NUDT6: variants seen among roughly 807,000 people sequenced by gnomAD.
The protein encoded by NUDT6 is nudix hydrolase 6, also known as FAD diphosphatase NUDT6.
Under a neutral mutation model 36.8 loss-of-function variants are expected in NUDT6, and 24 were observed. The ratio of observed to expected loss-of-function variants is 0.65; its 90% CI spans 0.47 to 0.92. The LOEUF (loss-of-function observed/expected upper bound fraction) is 0.92, where lower values mean the gene tolerates loss of function less well. Ranked by LOEUF, NUDT6 falls within the 40% of genes least tolerant of loss-of-function variation. The pLI, the probability that NUDT6 is intolerant of heterozygous loss-of-function variation, is 0.00. For synonymous variants in NUDT6, 163 were observed against 157.0 expected (o/e 1.04, Z -0.29); for missense variants, 388 against 392.8 (o/e 0.99, Z 0.10).
upstream of NUDT6, chr4:122,922,601 CA>C: frequency 6.4e-7 from 1 of 1,557,096 alleles, no homozygotes; most frequent in Non-Finnish European, 8.7e-7. Flanking sequence ...GTCCGTTGCC[CA>C]AATGACCCCT....
At chr4:122,900,735 A>G (rs183695332) in intron 3 of NUDT6, among the ~76,000 whole-genome samples, 14 of 152,208 alleles carry the variant, frequency 9.2e-5, no homozygotes, top group Non-Finnish European at 1.8e-4. Context: ...GGAACATTCT[A>G]TGTAAATCCA....
chr4:122,900,896 T>C (rs943961104), intron 3 of NUDT6, among the ~76,000 whole-genome samples: 128 of 152,254 alleles, frequency 8.4e-4, no homozygotes, highest in African/African-American at 2.9e-3. Context: ...TAGCTAGTGA[T>C]CTTTTATTAT....
rs771907691 is a variant in NUDT6 at position 122,922,376 on chromosome 4, A to G, written c.197T>C (p.Leu66Pro). Residue 66 changes from leucine to proline, a missense_variant, in exon 1 of 5, where the codon CTG becomes CCG. Transcript: ENST00000304430. ...GAAGGCGGCAGCGTCCAGGCGGTCC[A>G]GCGCATCGAGCCGCGCCAGGCGCAC... ...ISVRLARLDA[L>P]DRLDAAAFQK... 1.2e-6 allele frequency: 2 copies of G among 1,606,636 alleles called. No individual in the cohort carries two copies. The highest frequency in any genetic ancestry group is 1.1e-5 in the South Asian group (1 of 90,782).
chr4:122,902,459 G>C (rs371032161), intron 3 of NUDT6, among the ~76,000 whole-genome samples: 5 of 152,232 alleles, frequency 3.3e-5, no homozygotes, highest in South Asian at 4.1e-4. Flanking sequence ...CTATACATCT[G>C]TTCACTGATG....
intron 2 of NUDT6, chr4:122,913,254 T>G (rs1474999295): frequency 3.9e-5 from 6 of 152,772 alleles, no homozygotes; most frequent in Admixed American, 3.9e-4. Context: ...GCAGATTCAG[T>G]GTCTAATAAG....
chr4:122,899,044 A>AGTTTTTTTTTTTTTTTTTT, intron 3 of NUDT6, among the ~76,000 whole-genome samples: 1 of 69,412 alleles, frequency 1.4e-5, no homozygotes, highest in African/African-American at 4.5e-5. Context: ...ACCACACCTA[A>AGTTTTTTTTTTTTTTTTTT]TTTTTTTTTT....
intron 1 of NUDT6, chr4:122,922,069 T>C (rs1035057074): frequency 3.3e-5 from 13 of 388,766 alleles, no homozygotes; most frequent in Non-Finnish European, 5.0e-5. Context: ...AATTTCCGAA[T>C]GTCGCACAGT....
upstream of NUDT6, chr4:122,922,614 C>A (rs991996688): frequency 2.0e-6 from 3 of 1,526,080 alleles, no homozygotes; most frequent in East Asian, 2.3e-5. Flanking sequence ...ATGACCCCTC[C>A]GCGCTCCAGA....
chr4:122,897,610 TA>T lies in NUDT6; in HGVS notation c.553+13del. ...AACATTTTTAAGCCAATTAAAAATA[TA>T]AAAGATACACACCAATATCTTCTTC... On this transcript the variant is annotated intron_variant, in intron 4 of 4. Transcript: ENST00000304430. 6.3e-7 allele frequency: 1 copy of T among 1,575,076 alleles called. No homozygotes were observed. Among genetic ancestry groups the T allele is most frequent in the Non-Finnish European group, 8.7e-7 (1 of 1,144,990 alleles).
chr4:122,914,033 C>T (rs2150808219), intron 2 of NUDT6, among the ~76,000 whole-genome samples: 1 of 152,278 alleles, frequency 6.6e-6, no homozygotes, highest in Admixed American at 6.5e-5. Context: ...TTTCTAGGTG[C>T]TACAGATACA....
chr4:122,903,638 T>C (rs1312979747), intron 3 of NUDT6, among the ~76,000 whole-genome samples: 1 of 152,228 alleles, frequency 6.6e-6, no homozygotes, highest in Non-Finnish European at 1.5e-5. Context: ...AACCAGTTTC[T>C]GCTTTGCCAG....
rs1290603152 is a variant in NUDT6, at chr4:122,922,390, C to CG, written c.182dup (p.Arg62AlafsTer29). The stretch of plus-strand genomic sequence containing the variant: ...CCAGGCGGTCCAGCGCATCGAGCCG[C>CG]GCCAGGCGCACCGAGATGCCCCCGA... On this transcript the variant is annotated frameshift_variant, in exon 1 of 5. Coordinates refer to ENST00000304430, the MANE Select transcript of NUDT6 (RefSeq NM_007083.5). LOFTEE classifies it high-confidence loss of function. 1 of 1,608,768 alleles carries CG rather than the reference C, an allele frequency of 6.2e-7. No individual in the cohort carries two copies. The highest frequency in any genetic ancestry group is 8.5e-7 in the Non-Finnish European group (1 of 1,179,742).
At chr4:122,903,748 T>C (rs1264904317) in intron 3 of NUDT6, among the ~76,000 whole-genome samples, 7 of 152,156 alleles carry the variant, frequency 4.6e-5, no homozygotes, top group Admixed American at 4.6e-4. Context: ...TTCCTGTGAG[T>C]ATCACTGCTT....
intron 2 of NUDT6, among the ~76,000 whole-genome samples, chr4:122,916,114 C>CAAG (rs1727834270): frequency 6.6e-6 from 1 of 152,048 alleles, no homozygotes; most frequent in Non-Finnish European, 1.5e-5. Flanking sequence ...GAGACCACCA[C>CAAG]CAGCAGCAGC....
At chr4:122,910,275 T>G (rs1256810021) in intron 3 of NUDT6, among the ~76,000 whole-genome samples, 1 of 88,928 alleles carries the variant, frequency 1.1e-5, no homozygotes, top group Non-Finnish European at 2.9e-5. Flanking sequence ...TCTTTGCAGG[T>G]TTTATAAAGA....
intron 1 of NUDT6, chr4:122,918,108 C>T (rs79086127): frequency 0.047 from 7,803 of 166,414 alleles, 353 homozygotes; most frequent in South Asian, 0.14. Flanking sequence ...TTTTTTTCTT[C>T]CTTTAGGAGT....
intron 2 of NUDT6, chr4:122,913,309 A>C (rs561926907): frequency 7.9e-5 from 12 of 152,316 alleles, no homozygotes; most frequent in Admixed American, 3.9e-4. Context: ...GTCCTCACAT[A>C]GTGAAAGGGG....
intron 3 of NUDT6, among the ~76,000 whole-genome samples, chr4:122,902,585 A>G (rs2150802563): frequency 6.6e-6 from 1 of 152,302 alleles, no homozygotes; most frequent in Admixed American, 6.5e-5. Context: ...CTCCCTATGC[A>G]GAAACTTTAC....
In NUDT6 at chr4:122,892,990, G is replaced by A. The variant is rs1280569642; in HGVS notation, c.789C>T (p.Ile263=). Residue 263 remains isoleucine (I), a synonymous_variant, in exon 5 of 5, where the codon ATC becomes ATT. Transcript: ENST00000304430. ...DLAKTENTTP[I]TSRVARLLLY... ...GCAGCAGCCTAGCAACTCTGCTGGT[G>A]ATGGGAGTTGTATTTTCAGTCTTCG... 5 of 1,614,132 alleles carry A rather than the reference G, an allele frequency of 3.1e-6. No homozygotes were observed. The highest frequency in any genetic ancestry group is 4.2e-6 in the Non-Finnish European group (5 of 1,180,020).
Sources: allele counts gnomAD v4.1 joint callset (sites outside exome capture counted in the v4.1 genomes callset), GRCh38; gene constraint gnomAD v4.1.1; transcripts MANE v1.5; gene names NCBI Gene and HGNC (gene_info 2026-07-23, HGNC 2026-07-21).